The following NFKB1 variants were observed in gnomAD, a reference collection of about 807,000 sequenced individuals.
NFKB1 encodes nuclear factor NF-kappa-B p105 subunit.
A neutral mutation model predicts 105.1 loss-of-function variants in NFKB1; 9 were observed. That is an observed-to-expected ratio of 0.09 (90% CI 0.05 to 0.15). The LOEUF (loss-of-function observed/expected upper bound fraction) is 0.15, where lower values mean the gene tolerates loss of function less well. Among genes scored for constraint, NFKB1 ranks in the 10% least tolerant of loss-of-function variants. NFKB1 has a pLI of 1.00. For synonymous variants in NFKB1, 440 were observed against 442.2 expected (o/e 1.00, Z 0.06); for missense variants, 830 against 1,203.7 (o/e 0.69, Z 4.59).
At chr4:102,544,870 G>A (rs1429951298) in intron 5 of NFKB1, among the ~76,000 whole-genome samples, 2 of 152,018 alleles carry the variant, frequency 1.3e-5, no homozygotes, top group African/African-American at 4.8e-5. Flanking sequence ...ATTTTGTTTT[G>A]TCAGTTCTGG....
At chr4:102,546,513 T>G (rs1447374044) in intron 5 of NFKB1, among the ~76,000 whole-genome samples, 1 of 152,158 alleles carries the variant, frequency 6.6e-6, no homozygotes, top group Non-Finnish European at 1.5e-5. Context: ...AAATATAACA[T>G]TTTCTTTAAT....
chr4:102,517,080 A>G (rs532192835), intron 1 of NFKB1, among the ~76,000 whole-genome samples: 5 of 152,168 alleles, frequency 3.3e-5, no homozygotes, highest in African/African-American at 7.2e-5. Flanking sequence ...GTCCTACACT[A>G]TCACAGCTTG....
intron 1 of NFKB1, among the ~76,000 whole-genome samples, chr4:102,503,071 T>G (rs964711644): frequency 1.3e-5 from 2 of 152,224 alleles, no homozygotes; most frequent in Admixed American, 6.5e-5. Flanking sequence ...ATATTGTGCT[T>G]TCTAGAGATG....
intron 15 of NFKB1, among the ~76,000 whole-genome samples, chr4:102,598,578 T>C (rs1345936125): frequency 6.6e-6 from 1 of 152,234 alleles, no homozygotes; most frequent in Non-Finnish European, 1.5e-5. Context: ...GTATAACCAC[T>C]GGCCTTGTTA....
At chr4:102,546,117 C>T (rs964027089) in intron 5 of NFKB1, among the ~76,000 whole-genome samples, 4 of 151,990 alleles carry the variant, frequency 2.6e-5, no homozygotes, top group African/African-American at 9.7e-5. Flanking sequence ...AGAAAAAAAA[C>T]AGGATTTCAA....
Position 102,612,494 on chromosome 4 carries a change from C to A in NFKB1, c.2480C>A (p.Pro827His), listed in dbSNP as rs1175212935. ...KLQLYKLLEI[P>H]DPDKNWATLA... ...CAGCTGTATAAGTTACTAGAAATTCCTGATCCAGACAAAAACTGGGCTACT... is the reference window on the plus strand; with the variant it reads ...CAGCTGTATAAGTTACTAGAAATTCATGATCCAGACAAAAACTGGGCTACT... The change falls in exon 22 of 24, where the codon CCT becomes CAT. Residue 827 changes from proline (P) to histidine (H), a missense_variant. By Grantham distance (77) the Pro-to-His change is moderately conservative. Around this residue, in one of 8 missense-constraint regions of NFKB1, gnomAD observed 418 missense variants for 575.3 expected, o/e 0.73. Transcript: ENST00000226574. 1.2e-6 allele frequency: 2 copies of A among 1,613,852 alleles called. No individual in the cohort carries two copies. The highest frequency in any genetic ancestry group is 8.5e-7 in the Non-Finnish European group (1 of 1,180,040).
intron 5 of NFKB1, among the ~76,000 whole-genome samples, chr4:102,554,197 A>G (rs569682254): frequency 4.7e-4 from 72 of 152,338 alleles, no homozygotes; most frequent in African/African-American, 1.5e-3. Context: ...GTATCATAGC[A>G]GTACCTGGTG....
chr4:102,576,831 A>G (rs747868801), intron 6 of NFKB1, 45 bp from the exon 7 acceptor site: 4 of 1,566,228 alleles, frequency 2.6e-6, no homozygotes, highest in Non-Finnish European at 3.4e-6. Context: ...TTAAGTGCCT[A>G]ACTTTTGGTT....
At chr4:102,538,871 A>C (rs73837266) in intron 5 of NFKB1, among the ~76,000 whole-genome samples, 3,852 of 152,044 alleles carry the variant, frequency 0.025, 94 homozygotes, top group African/African-American at 0.067. Context: ...ATACTTTTGG[A>C]CTCAGTCTTT....
chr4:102,505,123 T>C (rs898495102), intron 1 of NFKB1, among the ~76,000 whole-genome samples: 41 of 152,336 alleles, frequency 2.7e-4, no homozygotes, highest in African/African-American at 9.4e-4. Context: ...TACTGTCTTT[T>C]ACATTTCCGG....
chr4:102,571,360 T>G (rs1233920286), intron 6 of NFKB1, among the ~76,000 whole-genome samples: 1 of 152,046 alleles, frequency 6.6e-6, no homozygotes, highest in Non-Finnish European at 1.5e-5. Flanking sequence ...TTAAATGTTA[T>G]ATCTAAAACC....
intron 6 of NFKB1, among the ~76,000 whole-genome samples, chr4:102,574,125 C>CT (rs56977004): frequency 0.53 from 49,140 of 93,174 alleles, 13,504 homozygotes; most frequent in African/African-American, 0.62. Flanking sequence ...TCTTGGATTC[C>CT]TTTTTTTTTT....
chr4:102,553,875 A>G (rs1479426196), intron 5 of NFKB1, among the ~76,000 whole-genome samples: 1 of 152,180 alleles, frequency 6.6e-6, no homozygotes, highest in Non-Finnish European at 1.5e-5. Flanking sequence ...ATGCTATCAG[A>G]GGTCCCATTG....
At chr4:102,612,349 A>G in intron 21 of NFKB1, 85 bp from the exon 22 acceptor site, 1 of 1,430,808 alleles carries the variant, frequency 7.0e-7, no homozygotes. Context: ...TGGGAGTTGG[A>G]CAGCAAGCCA....
In NFKB1 at chr4:102,594,879, C is replaced by T; in HGVS notation, c.1211-13C>T. 1 of 1,587,856 alleles carries T rather than the reference C, an allele frequency of 6.3e-7. No homozygotes were observed. Among genetic ancestry groups the T allele is most frequent in the Non-Finnish European group, 8.6e-7 (1 of 1,157,618 alleles). ...TCTTCATGATGTTTCATTTGTTTTA[C>T]TTGCCGTTTCAGGGTATAGCTTCCC... is the stretch of plus-strand genomic sequence containing the variant. On this transcript the variant is annotated splice_polypyrimidine_tract_variant and intron_variant, in intron 12 of 23. Coordinates refer to ENST00000226574, the MANE Select transcript of NFKB1 (RefSeq NM_003998.4).
At chr4:102,588,267 C>T (rs1280114926) in intron 11 of NFKB1, among the ~76,000 whole-genome samples, 2 of 152,096 alleles carry the variant, frequency 1.3e-5, no homozygotes, top group African/African-American at 2.4e-5. Flanking sequence ...AGACATTATA[C>T]ATAAATATAA....
chr4:102,541,054 A>T (rs990322909), intron 5 of NFKB1, among the ~76,000 whole-genome samples: 1 of 152,154 alleles, frequency 6.6e-6, no homozygotes, highest in African/African-American at 2.4e-5. Flanking sequence ...ACTTGGCATT[A>T]TTGACATTTG....
At chr4:102,615,714 A>G (rs1728886592) in intron 23 of NFKB1, among the ~76,000 whole-genome samples, 1 of 152,270 alleles carries the variant, frequency 6.6e-6, no homozygotes, top group Admixed American at 6.5e-5. Flanking sequence ...TGGTTGATTA[A>G]ACAAATCAGT....
chr4:102,614,348 C>G (rs1447521071), intron 23 of NFKB1, among the ~76,000 whole-genome samples: 2 of 152,140 alleles, frequency 1.3e-5, no homozygotes, highest in Non-Finnish European at 2.9e-5. Context: ...ATTCTTACCT[C>G]TCTCTCCTGT....
Sources: allele counts gnomAD v4.1 joint callset (sites outside exome capture counted in the v4.1 genomes callset), GRCh38; gene constraint gnomAD v4.1.1; regional missense constraint gnomAD v4.1.1; transcripts MANE v1.5; gene names NCBI Gene and HGNC (gene_info 2026-07-23, HGNC 2026-07-21).